The following USP44 variants were observed in gnomAD, a reference collection of about 807,000 sequenced individuals.
USP44 encodes the protein ubiquitin specific peptidase 44, also known as ubiquitin carboxyl-terminal hydrolase 44.
In USP44, 61 loss-of-function variants were observed where a neutral mutation model predicts 69.0. The observed-to-expected ratio is 0.88, with a 90% CI of 0.72 to 1.09. The LOEUF (loss-of-function observed/expected upper bound fraction) is 1.09. Ranked by LOEUF, USP44 falls within the 50% of genes least tolerant of loss-of-function variation. The probability of loss-of-function intolerance (pLI) is 0.00; values close to 1 mark genes in which losing one functional copy is unlikely to be tolerated. For missense variants in USP44, 753 were observed against 849.9 expected, an observed-to-expected ratio of 0.89 and a Z score of 1.42; for synonymous variants, 297 against 295.4, an observed-to-expected ratio of 1.01 and a Z score of -0.06.
At chr12:95,546,593 C>T (rs1166365581) in intron 1 of USP44, 1 of 152,178 alleles carries the variant, frequency 6.6e-6, no homozygotes, top group African/African-American at 2.4e-5. Flanking sequence ...ACTCCTGAGC[C>T]CGTGCCCCAG....
At chr12:95,545,611 AT>A (rs1268644031) in intron 1 of USP44, among the ~76,000 whole-genome samples, 1 of 152,162 alleles carries the variant, frequency 6.6e-6, no homozygotes, top group African/African-American at 2.4e-5. Context: ...TCCATTTTCC[AT>A]TTACTTCACG....
chr12:95,547,634 T>C (rs2077614753), intron 1 of USP44, among the ~76,000 whole-genome samples: 2 of 152,214 alleles, frequency 1.3e-5, no homozygotes, highest in South Asian at 4.1e-4. Flanking sequence ...CAACTCAAAA[T>C]GGAATTCCAG....
intron 1 of USP44, among the ~76,000 whole-genome samples, chr12:95,542,354 T>C (rs901065232): frequency 5.9e-5 from 9 of 152,334 alleles, no homozygotes; most frequent in African/African-American, 2.2e-4. Flanking sequence ...CTAAAAATTC[T>C]CTCAGGGCTT....
At chr12:95,540,901 T>A (rs1335995644) in intron 1 of USP44, among the ~76,000 whole-genome samples, 1 of 152,208 alleles carries the variant, frequency 6.6e-6, no homozygotes, top group Non-Finnish European at 1.5e-5. Flanking sequence ...TTCCTCATTA[T>A]GAAAGCAAAA....
intron 1 of USP44, among the ~76,000 whole-genome samples, chr12:95,536,217 A>G (rs2140313680): frequency 6.6e-6 from 1 of 151,350 alleles, no homozygotes; most frequent in Non-Finnish European, 1.5e-5. Flanking sequence ...TAATTTTTGT[A>G]TTTTTGGTAC....
At chr12:95,528,222 T>C (rs61939481) in intron 3 of USP44, among the ~76,000 whole-genome samples, 7,101 of 152,320 alleles carry the variant, frequency 0.047, 219 homozygotes, top group Non-Finnish European at 0.068. Context: ...GCACTTATCA[T>C]AGTGGATCCT....
chr12:95,529,310 A>ATATACATATATACATATATCTATG (rs1389626413), intron 2 of USP44, among the ~76,000 whole-genome samples: 3 of 151,926 alleles, frequency 2.0e-5, no homozygotes, highest in Non-Finnish European at 2.9e-5. Context: ...ATGTATACAT[A>ATATACATATATACATATATCTATG]TATACATATA....
In USP44 at chr12:95,518,006, T is replaced by A; in HGVS notation, c.*148A>T. The A allele has an allele frequency of 1.2e-6, 1 of 804,882 alleles. No individual in the cohort carries two copies. The highest frequency in any genetic ancestry group is 1.9e-6 in the Non-Finnish European group (1 of 536,014). The allele number at this position is 804,882 out of a possible 1,614,324, so 49.9% of individuals were successfully genotyped here. On this transcript the variant is annotated 3_prime_UTR_variant, in exon 6 of 6. Transcript: ENST00000258499. ...TACCTTCAGTTGATATATACATTTATACTTTGTAAAAAAAAAAATTGTTAG... is the reference window on the plus strand; with the variant it reads ...TACCTTCAGTTGATATATACATTTAAACTTTGTAAAAAAAAAAATTGTTAG...
chr12:95,517,509 T>C lies in USP44; in HGVS notation c.*645A>G, dbSNP rs1301115619. 6.6e-6 allele frequency: 1 copy of C among 152,168 alleles called. No individual in the cohort carries two copies. The highest frequency in any genetic ancestry group is 1.9e-4 in the East Asian group (1 of 5,200). 9.4% of individuals were successfully genotyped at this position (152,168 alleles called of 1,614,324 possible). ...CCATCATTTTTTTCATGTCCATAGT[T>C]CCAGAGTTCACTTAAATATACTATT... On this transcript the variant is annotated 3_prime_UTR_variant, in exon 6 of 6. Coordinates refer to ENST00000258499, the MANE Select transcript of USP44 (RefSeq NM_032147.5).
In USP44 at chr12:95,548,819, C is replaced by CCCCGGTTCGGCGGCCGCGACGA. The variant is rs1565847915; in HGVS notation, c.-71+2431_-71+2452dup. The stretch of plus-strand genomic sequence containing the variant: ...TTAGCGCTCACCCCGGCCCCCCGCC[C>CCCCGGTTCGGCGGCCGCGACGA]CCCGGTTCGGCGGCCGCGACGACCC... On this transcript the variant is annotated intron_variant, in intron 1 of 5. Transcript: ENST00000258499. This position sits in a 1 kb window ranked among gnomAD's most constrained non-coding sequence, Gnocchi z 4.1. The CCCCGGTTCGGCGGCCGCGACGA allele has an allele frequency of 5.3e-5, 8 of 152,090 alleles. No homozygotes were observed. Among genetic ancestry groups the CCCCGGTTCGGCGGCCGCGACGA allele is most frequent in the Non-Finnish European group, 7.3e-5 (5 of 68,062 alleles). The allele number at this position is 152,090 out of a possible 1,614,324, so 9.4% of individuals were successfully genotyped here.
intron 3 of USP44, among the ~76,000 whole-genome samples, chr12:95,528,210 G>C (rs1449421883): frequency 6.6e-6 from 1 of 152,164 alleles, no homozygotes; most frequent in Admixed American, 6.5e-5. Flanking sequence ...TCCTCCATTA[G>C]AGCACTTATC....
rs2076482524 is a variant in USP44 at position 95,516,756 on chromosome 12, T to G, written c.*1398A>C. ...TATCAGCTAACCCAGATGACTTGTT[T>G]TGTGAAATTTAAGAAAAATTTATTG... On this transcript the variant is annotated 3_prime_UTR_variant, in exon 6 of 6. Coordinates refer to ENST00000258499, the MANE Select transcript of USP44 (RefSeq NM_032147.5). 6.6e-6 allele frequency: 1 copy of G among 152,214 alleles called. No homozygotes were observed. The highest frequency in any genetic ancestry group is 1.5e-5 in the Non-Finnish European group (1 of 68,040). The allele number at this position is 152,214 out of a possible 1,614,324, so 9.4% of individuals were successfully genotyped here.
Position 95,534,081 on chromosome 12 carries a change from T to C in USP44, c.176A>G (p.Lys59Arg). The C allele has an allele frequency of 1.2e-6, 2 of 1,614,214 alleles. No individual in the cohort carries two copies. Among genetic ancestry groups the C allele is most frequent in the Non-Finnish European group, 1.7e-6 (2 of 1,180,052 alleles). ...CGRYIEEHAL[K>R]HFQESSHPVA... The stretch of plus-strand genomic sequence containing the variant: ...AGGATGACTGCTTTCTTGAAAGTGC[T>C]TGAGTGCATGCTCTTCAATATATCT... The change falls in exon 2 of 6, where the codon AAG (lysine) becomes AGG (arginine). Residue 59 changes from lysine (K) to arginine (R), a missense_variant. Transcript: ENST00000258499.
chr12:95,519,943 G>A (rs1275927163), intron 5 of USP44, among the ~76,000 whole-genome samples: 1 of 144,828 alleles, frequency 6.9e-6, no homozygotes, highest in East Asian at 2.1e-4. Context: ...GGGAGGCGGA[G>A]GTTGCAGTGA....
intron 4 of USP44, among the ~76,000 whole-genome samples, chr12:95,521,438 C>A (rs988532264): frequency 2.6e-5 from 4 of 152,156 alleles, no homozygotes; most frequent in Non-Finnish European, 5.9e-5. Context: ...GAAAGTATTG[C>A]CTTATGGGGG....
At chr12:95,518,440 G>A (rs2076546284) in intron 5 of USP44, 87 bp from the exon 6 acceptor site, 3 of 1,340,766 alleles carry the variant, frequency 2.2e-6, no homozygotes, top group South Asian at 1.3e-5. Flanking sequence ...TTTTCTGAAG[G>A]GAAAATAATT....
intron 5 of USP44, among the ~76,000 whole-genome samples, chr12:95,519,128 G>C (rs963679867): frequency 1.3e-4 from 20 of 152,122 alleles, no homozygotes; most frequent in African/African-American, 4.8e-4. Context: ...AAATCAGCCA[G>C]GAATTATGGT....
Position 95,516,643 on chromosome 12 carries a change from AT to A in USP44, c.*1510del, listed in dbSNP as rs2076478845. 1 of 152,146 alleles carries A rather than the reference AT, an allele frequency of 6.6e-6. No individual in the cohort carries two copies. Among genetic ancestry groups the A allele is most frequent in the Admixed American group, 6.5e-5 (1 of 15,274 alleles). The allele number at this position is 152,146 out of a possible 1,614,324, so 9.4% of individuals were successfully genotyped here. On this transcript the variant is annotated 3_prime_UTR_variant, in exon 6 of 6. Transcript: ENST00000258499. ...ACAACTTGCATAGGTATTATGAACAATTTTAAACATAGCCATTTAATATTCC... is the reference window on the plus strand; with the variant it reads ...ACAACTTGCATAGGTATTATGAACAATTTAAACATAGCCATTTAATATTCC...
chr12:95,533,613 C>T lies in USP44; in HGVS notation c.644G>A (p.Arg215His), dbSNP rs755726154. ...LESMPPRKSL[R>H]LQGLAQSTII... ...GGTCGACTGAGCGAGCCCTTGTAAACGTAAACTCTTTCTTGGAGGCATACT... is the reference window on the plus strand; with the variant it reads ...GGTCGACTGAGCGAGCCCTTGTAAATGTAAACTCTTTCTTGGAGGCATACT... The change falls in exon 2 of 6, where the codon CGT becomes CAT. Residue 215 changes from arginine (R) to histidine (H), a missense_variant. Physicochemically the swap from Arg to His is conservative, Grantham distance 29 (BLOSUM62 0). Coordinates refer to ENST00000258499, the MANE Select transcript of USP44 (RefSeq NM_032147.5). The T allele has an allele frequency of 8.7e-6, 14 of 1,613,684 alleles. No homozygotes were observed. The highest frequency in any genetic ancestry group is 2.2e-5 in the East Asian group (1 of 44,896).
Sources: allele counts gnomAD v4.1 joint callset (sites outside exome capture counted in the v4.1 genomes callset), GRCh38; gene constraint gnomAD v4.1.1; non-coding constraint Gnocchi (gnomAD v3.1); transcripts MANE v1.5; gene names NCBI Gene and HGNC (gene_info 2026-07-23, HGNC 2026-07-21).